Variants in KDM2A observed in about 807,000 individuals in gnomAD.
KDM2A encodes lysine demethylase 2A, also known as lysine-specific demethylase 2A.
KDM2A carries 3 observed loss-of-function variants against 137.3 expected under a neutral mutation model. The observed-to-expected ratio is 0.02, with a 90% confidence interval of 0.01 to 0.06. The LOEUF (loss-of-function observed/expected upper bound fraction) is 0.06, where lower values mean the gene tolerates loss of function less well. KDM2A is among the 10% of genes least tolerant of loss of function. The pLI, the probability that KDM2A is intolerant of heterozygous loss-of-function variation, is 1.00. For synonymous variants in KDM2A, 512 were observed against 541.5 expected (o/e 0.95, Z 0.76); for missense variants, 738 against 1,510.6 (o/e 0.49, Z 8.48).
At chr11:67,160,410 T>A (rs1856609860) in intron 2 of KDM2A, among the ~76,000 whole-genome samples, 1 of 152,182 alleles carries the variant, frequency 6.6e-6, no homozygotes, top group Non-Finnish European at 1.5e-5. Flanking sequence ...ATGAGAGCAG[T>A]AACCTTAATG....
chr11:67,221,719 C>T (rs188784136), intron 10 of KDM2A, among the ~76,000 whole-genome samples: 43 of 152,116 alleles, frequency 2.8e-4, no homozygotes, highest in African/African-American at 1.0e-3. Context: ...CCTGTAATTC[C>T]AACCCTTTGA....
chr11:67,157,893 T>C (rs1286659448), intron 2 of KDM2A, among the ~76,000 whole-genome samples: 1 of 152,136 alleles, frequency 6.6e-6, no homozygotes, highest in African/African-American at 2.4e-5. Flanking sequence ...AATTGGAGTC[T>C]AGCCTGGGCA....
intron 2 of KDM2A, among the ~76,000 whole-genome samples, chr11:67,126,973 T>C (rs1490625122): frequency 6.6e-6 from 1 of 152,144 alleles, no homozygotes; most frequent in Non-Finnish European, 1.5e-5. Flanking sequence ...GTATATTGAT[T>C]GCCAGAACAA....
intron 2 of KDM2A, among the ~76,000 whole-genome samples, chr11:67,168,951 GTTTTTTT>G (rs11335055): frequency 3.2e-5 from 2 of 62,230 alleles, no homozygotes; most frequent in Non-Finnish European, 3.2e-5. Flanking sequence ...AATCCATGTA[GTTTTTTT>G]TTTTTTTTTT....
chr11:67,127,195 C>T (rs11826883), intron 2 of KDM2A, among the ~76,000 whole-genome samples: 1 of 152,122 alleles, frequency 6.6e-6, no homozygotes, highest in Non-Finnish European at 1.5e-5. Flanking sequence ...CCGCCTGGCT[C>T]AAGTGGTCCT....
intron 6 of KDM2A, among the ~76,000 whole-genome samples, chr11:67,214,633 C>A (rs1354729104): frequency 6.6e-6 from 1 of 152,144 alleles, no homozygotes; most frequent in South Asian, 2.1e-4. Flanking sequence ...AGCCACTGAT[C>A]CCAACTATTT....
Position 67,121,215 on chromosome 11 carries a change from T to A in KDM2A, c.-83-19T>A. 1 of 817,668 alleles carries A rather than the reference T, an allele frequency of 1.2e-6. No homozygotes were observed. Among genetic ancestry groups the A allele is most frequent in the Non-Finnish European group, 2.1e-6 (1 of 479,972 alleles). The allele number at this position is 817,668 out of a possible 1,614,324, so 50.7% of individuals were successfully genotyped here. A position where few individuals can be genotyped will look rare whatever the true frequency, so the allele number is the denominator to read the frequency against. ...TTTGAGAATGAGTTCTCATTTCTGC[T>A]TATATCATTATTCTTTAGTGTTGCA... is the stretch of plus-strand genomic sequence containing the variant. On this transcript the variant is annotated intron_variant, in intron 1 of 20. Transcript: ENST00000529006.
At chr11:67,230,232 C>G (rs1220681625) in intron 11 of KDM2A, among the ~76,000 whole-genome samples, 1 of 151,976 alleles carries the variant, frequency 6.6e-6, no homozygotes, top group Admixed American at 6.6e-5. Flanking sequence ...CACCTGTAGT[C>G]CCAGCTAGTT....
chr11:67,205,745 G>A (rs1471907255), intron 5 of KDM2A, among the ~76,000 whole-genome samples: 2 of 152,112 alleles, frequency 1.3e-5, no homozygotes, highest in Admixed American at 1.3e-4. Flanking sequence ...ACCTCCCAGA[G>A]TGATGGGATT....
intron 2 of KDM2A, among the ~76,000 whole-genome samples, chr11:67,123,143 G>C (rs571208084): frequency 7.9e-5 from 12 of 151,462 alleles, no homozygotes; most frequent in African/African-American, 2.4e-4. Flanking sequence ...GTAATTTTCA[G>C]ACTTTTTTTT....
intron 2 of KDM2A, among the ~76,000 whole-genome samples, chr11:67,173,401 C>T (rs750571134): frequency 4.6e-5 from 7 of 151,746 alleles, no homozygotes; most frequent in East Asian, 1.9e-4. Context: ...GGATTACATG[C>T]GTGAGCCACC....
chr11:67,228,775 C>T (rs902126094), intron 11 of KDM2A, among the ~76,000 whole-genome samples: 4 of 151,694 alleles, frequency 2.6e-5, no homozygotes, highest in Admixed American at 6.6e-5. Flanking sequence ...CTTGCCCTGT[C>T]GTCCAAGTTG....
chr11:67,130,614 ATACATTCTTTGTATCTTTC>A (rs1855832462), intron 2 of KDM2A, among the ~76,000 whole-genome samples: 1 of 152,202 alleles, frequency 6.6e-6, no homozygotes, highest in Non-Finnish European at 1.5e-5. Flanking sequence ...GTAGATAGAC[ATACATTCTTTGTATCTTTC>A]TATTTTGGGG....
rs772384088 is a variant in KDM2A at position 67,180,151 on chromosome 11, G to A, written c.115G>A (p.Asp39Asn). 1 of 1,613,808 alleles carries A rather than the reference G, an allele frequency of 6.2e-7. No individual in the cohort carries two copies. Among genetic ancestry groups the A allele is most frequent in the Admixed American group, 1.7e-5 (1 of 59,998 alleles). ...DDEIEGKRTF[D>N]LEEKLHTNKY... The stretch of plus-strand genomic sequence containing the variant: ...TGAAATTGAAGGAAAAAGAACTTTT[G>A]ACTTGGAAGAGAAACTGCACACCAA... Residue 39 changes from aspartate to asparagine, a missense_variant, in exon 3 of 21, where the codon GAC becomes AAC. This residue lies in a region of KDM2A where 74 missense variants were observed against 181.8 expected (regional missense o/e 0.41). Transcript: ENST00000529006.
intron 12 of KDM2A, among the ~76,000 whole-genome samples, chr11:67,235,884 C>T (rs1284537887): frequency 6.6e-6 from 1 of 152,124 alleles, no homozygotes; most frequent in Admixed American, 6.5e-5. Context: ...TCCCAAAGTG[C>T]TGGGATTACA....
At chr11:67,139,353 T>C (rs1856043059) in intron 2 of KDM2A, among the ~76,000 whole-genome samples, 4 of 152,034 alleles carry the variant, frequency 2.6e-5, no homozygotes, top group Non-Finnish European at 5.9e-5. Flanking sequence ...CAAATGATTC[T>C]CCTGCCTGAG....
At chr11:67,198,832 G>A (rs537950608) in intron 5 of KDM2A, among the ~76,000 whole-genome samples, 1 of 151,856 alleles carries the variant, frequency 6.6e-6, no homozygotes, top group Non-Finnish European at 1.5e-5. Context: ...AGGCTGGAAT[G>A]CAGTGGCACA....
intron 2 of KDM2A, among the ~76,000 whole-genome samples, chr11:67,128,004 C>T (rs1468507015): frequency 6.8e-6 from 1 of 147,630 alleles, no homozygotes; most frequent in Non-Finnish European, 1.5e-5. Context: ...GCCAGCACAC[C>T]CGGCCTTTTT....
intron 5 of KDM2A, chr11:67,196,219 C>T (rs1486462179): frequency 2.2e-6 from 1 of 455,700 alleles, no homozygotes. Context: ...CGAGCAGGGG[C>T]TTGCAGCCCA....
Sources: allele counts gnomAD v4.1 joint callset (sites outside exome capture counted in the v4.1 genomes callset), GRCh38; gene constraint gnomAD v4.1.1; regional missense constraint gnomAD v4.1.1; transcripts MANE v1.5; gene names NCBI Gene and HGNC (gene_info 2026-07-23, HGNC 2026-07-21).